CACNA2D3: variants seen among roughly 807,000 people sequenced by gnomAD.
CACNA2D3 encodes calcium voltage-gated channel auxiliary subunit alpha2delta 3.
Under a neutral mutation model 160.6 loss-of-function variants are expected in CACNA2D3, and 60 were observed. That is an observed-to-expected ratio of 0.37 (90% confidence interval 0.30 to 0.46). CACNA2D3 has a LOEUF of 0.46. Among genes scored for constraint, CACNA2D3 ranks in the 20% least tolerant of loss-of-function variants. CACNA2D3 has a pLI of 1.00. For synonymous variants in CACNA2D3, 558 were observed against 492.9 expected (o/e 1.13, Z -1.75); for missense variants, 1,205 against 1,365.0 (o/e 0.88, Z 1.85).
At chr3:54,813,365 C>T (rs59979955) in intron 13 of CACNA2D3, among the ~76,000 whole-genome samples, 180 of 152,312 alleles carry the variant, frequency 1.2e-3, no homozygotes, top group African/African-American at 4.2e-3. Flanking sequence ...GTGACCTCAT[C>T]TGGAGCCTCA....
chr3:54,624,824 G>C (rs1045622365), intron 9 of CACNA2D3, among the ~76,000 whole-genome samples: 5 of 152,194 alleles, frequency 3.3e-5, no homozygotes, highest in African/African-American at 9.6e-5. Context: ...GTGTCCCTAG[G>C]TGGGTGCAGG....
At chr3:54,431,743 G>A (rs938109352) in intron 4 of CACNA2D3, among the ~76,000 whole-genome samples, 2 of 152,070 alleles carry the variant, frequency 1.3e-5, no homozygotes, top group African/African-American at 4.8e-5. Flanking sequence ...GAGTAGCTGG[G>A]ATTATAAGTG....
At chr3:54,125,667 A>G (rs1010300500) in intron 2 of CACNA2D3, among the ~76,000 whole-genome samples, 1 of 151,984 alleles carries the variant, frequency 6.6e-6, no homozygotes, top group Non-Finnish European at 1.5e-5. Context: ...CTTGGGGAGC[A>G]TTTTTCAGCT....
At chr3:54,628,981 C>A (rs1318591127) in intron 10 of CACNA2D3, among the ~76,000 whole-genome samples, 1 of 152,094 alleles carries the variant, frequency 6.6e-6, no homozygotes, top group Admixed American at 6.5e-5. Flanking sequence ...AATGCCTATC[C>A]CCTGAGAGCG....
intron 4 of CACNA2D3, among the ~76,000 whole-genome samples, chr3:54,459,622 T>A (rs1344816951): frequency 5.9e-5 from 9 of 152,214 alleles, no homozygotes; most frequent in African/African-American, 2.2e-4. Context: ...TGGGGTTGTT[T>A]GTTTTTTTCT....
At chr3:54,211,728 T>G (rs564171157) in intron 2 of CACNA2D3, among the ~76,000 whole-genome samples, 66 of 152,360 alleles carry the variant, frequency 4.3e-4, no homozygotes, top group African/African-American at 1.5e-3. Context: ...CTCTGTCGTT[T>G]GCTTCTTTAC....
chr3:54,620,115 G>A (rs1575386336), intron 9 of CACNA2D3, among the ~76,000 whole-genome samples: 1 of 152,182 alleles, frequency 6.6e-6, no homozygotes, highest in East Asian at 1.9e-4. Flanking sequence ...AACCCCATGA[G>A]CTTATCTGGA....
chr3:54,239,640 T>C (rs1395307629), intron 2 of CACNA2D3, among the ~76,000 whole-genome samples: 1 of 152,214 alleles, frequency 6.6e-6, no homozygotes, highest in Non-Finnish European at 1.5e-5. Context: ...CTGGGTGCCA[T>C]GGTTCAGAAT....
At chr3:54,346,900 A>G (rs1190940090) in intron 3 of CACNA2D3, among the ~76,000 whole-genome samples, 1 of 152,244 alleles carries the variant, frequency 6.6e-6, no homozygotes. Context: ...AAATAATTGG[A>G]ATAAAATGTG....
At chr3:54,787,394 G>C (rs1702662021) in intron 13 of CACNA2D3, among the ~76,000 whole-genome samples, 2 of 152,102 alleles carry the variant, frequency 1.3e-5, no homozygotes, top group Non-Finnish European at 2.9e-5. Context: ...TAAGAATCTG[G>C]ACCAGAAGCA....
At chr3:54,187,687 A>G (rs1225692844) in intron 2 of CACNA2D3, among the ~76,000 whole-genome samples, 4 of 152,182 alleles carry the variant, frequency 2.6e-5, no homozygotes, top group African/African-American at 2.4e-5. Flanking sequence ...GAAGGGGTAC[A>G]GGGATGGTTT....
chr3:54,541,902 A>G (rs1172783601), intron 5 of CACNA2D3, among the ~76,000 whole-genome samples: 1 of 151,028 alleles, frequency 6.6e-6, no homozygotes, highest in African/African-American at 2.4e-5. Flanking sequence ...GCTGTGGTTA[A>G]GTAAGAGGTT....
chr3:54,626,604 C>T (rs541111110), intron 9 of CACNA2D3: 8 of 1,468,666 alleles, frequency 5.4e-6, no homozygotes, highest in Middle Eastern at 3.8e-4. Context: ...ACGGCGGGCC[C>T]GGCATCGGGG....
chr3:54,873,022 C>G (rs1016659801), intron 18 of CACNA2D3, among the ~76,000 whole-genome samples: 1 of 152,042 alleles, frequency 6.6e-6, no homozygotes, highest in Non-Finnish European at 1.5e-5. Context: ...ATCCCGCCTT[C>G]TCTGCTTGCC....
rs1032602910 is a variant in CACNA2D3, at chr3:54,319,945, C to T, written c.205-497C>T. Among the ~76,000 whole-genome samples the T allele has an allele frequency of 2.6e-5, 4 of 152,128 alleles. No homozygotes were observed. The South Asian group carries it at 8.3e-4, about 32-fold the overall frequency. On this transcript the variant is annotated intron_variant, in intron 2 of 37. Coordinates refer to ENST00000474759, the MANE Select transcript of CACNA2D3 (RefSeq NM_018398.3). ...TCCCATATCTGCTTCTGTGTTCAAT[C>T]TCTTGTGATTGGTTGCTGAAGAAAA... is the stretch of plus-strand genomic sequence containing the variant.
chr3:55,067,389 G>A (rs1412238739), intron 35 of CACNA2D3, among the ~76,000 whole-genome samples: 7 of 152,116 alleles, frequency 4.6e-5, no homozygotes, highest in African/African-American at 7.2e-5. Flanking sequence ...GCTCTGCCCC[G>A]GTTACTCTAG....
intron 13 of CACNA2D3, among the ~76,000 whole-genome samples, chr3:54,765,058 G>A (rs909842996): frequency 5.3e-5 from 8 of 152,044 alleles, no homozygotes; most frequent in Non-Finnish European, 7.4e-5. Flanking sequence ...GATTGTAAGT[G>A]TTCTCACAGG....
intron 2 of CACNA2D3, among the ~76,000 whole-genome samples, chr3:54,159,229 A>G (rs1475590292): frequency 1.3e-5 from 2 of 152,220 alleles, no homozygotes; most frequent in Non-Finnish European, 2.9e-5. Flanking sequence ...AAGAAAAAAA[A>G]TCCATAGTTT....
intron 2 of CACNA2D3, among the ~76,000 whole-genome samples, chr3:54,146,075 T>C (rs1700025135): frequency 6.6e-6 from 1 of 152,176 alleles, no homozygotes; most frequent in Admixed American, 6.5e-5. Context: ...TTGTTGTTAT[T>C]TAAATAGGTC....
Sources: gnomAD v4.1 joint callset for allele counts (sites outside exome capture counted in the v4.1 genomes callset) on GRCh38, gnomAD v4.1.1 for gene constraint, MANE v1.5 for transcripts, NCBI Gene and HGNC (gene_info 2026-07-23, HGNC 2026-07-21) for gene names.